SPTAN1: variants seen among roughly 807,000 people sequenced by gnomAD.
SPTAN1 encodes spectrin alpha chain, non-erythrocytic 1.
Under a neutral mutation model 331.3 loss-of-function variants are expected in SPTAN1, and 61 were observed. That is an observed-to-expected ratio of 0.18 (90% CI 0.15 to 0.23). SPTAN1 has a LOEUF of 0.23. Among genes scored for constraint, SPTAN1 ranks in the 10% least tolerant of loss-of-function variants. SPTAN1 has a pLI of 1.00. For synonymous variants in SPTAN1, 1,153 were observed against 1,173.9 expected, an observed-to-expected ratio of 0.98 and a Z score of 0.36; for missense variants, 2,043 against 3,147.9, an observed-to-expected ratio of 0.65 and a Z score of 8.40.
chr9:128,575,422 T>C (rs1369467439), intron 5 of SPTAN1, 77 bp downstream of exon 5: 14 of 1,540,146 alleles, frequency 9.1e-6, no homozygotes, highest in Non-Finnish European at 1.2e-5. Flanking sequence ...AAAATTTTGA[T>C]GATTGGTCCC....
chr9:128,595,689 C>T (rs76935328), intron 24 of SPTAN1, among the ~76,000 whole-genome samples: 6,119 of 152,208 alleles, frequency 0.04, 280 homozygotes, highest in African/African-American at 0.11. Flanking sequence ...ACCACATATC[C>T]GTCAAGCATT....
chr9:128,564,909 C>T (rs575440405), intron 1 of SPTAN1, among the ~76,000 whole-genome samples: 5 of 152,248 alleles, frequency 3.3e-5, no homozygotes, highest in South Asian at 4.1e-4. Context: ...TACTTCTATC[C>T]GCCACAAGGG....
intron 1 of SPTAN1, among the ~76,000 whole-genome samples, chr9:128,557,110 G>A (rs572323435): frequency 1.3e-5 from 2 of 152,296 alleles, no homozygotes; most frequent in South Asian, 4.1e-4. Context: ...TTTGCTTTGG[G>A]TGATGTTTAT....
rs765787174 is a variant in SPTAN1 at position 128,632,346 on chromosome 9, A to G, written c.6959+23A>G. 15 of 1,613,350 alleles carry G rather than the reference A, an allele frequency of 9.3e-6. No homozygotes were observed. The African/African-American group carries it at 1.6e-4, about 17-fold the overall frequency. Reference sequence around the variant, plus strand: ...CAGGTACCCGGGAGGGCTGTGGGCCAGGCTCAGCCCAGAGCAGGGGGAGGA... The same window carrying G: ...CAGGTACCCGGGAGGGCTGTGGGCCGGGCTCAGCCCAGAGCAGGGGGAGGA... On this transcript the variant is annotated intron_variant, in intron 53 of 56. Coordinates refer to ENST00000372739, the MANE Select transcript of SPTAN1 (RefSeq NM_001130438.3).
intron 15 of SPTAN1, among the ~76,000 whole-genome samples, chr9:128,583,490 C>G (rs1407779628): frequency 1.3e-5 from 2 of 152,100 alleles, no homozygotes. Context: ...GTGAGGGAGT[C>G]TGAGTGAGAA....
intron 1 of SPTAN1, among the ~76,000 whole-genome samples, chr9:128,555,899 A>G (rs959294386): frequency 1.3e-5 from 2 of 152,140 alleles, no homozygotes; most frequent in African/African-American, 2.4e-5. Flanking sequence ...CACAATTTCT[A>G]TAATAGAGCT....
Position 128,617,870 on chromosome 9 carries a change from C to T in SPTAN1, c.5478+110C>T, listed in dbSNP as rs3750332. 4 of 1,611,668 alleles carry T rather than the reference C, an allele frequency of 2.5e-6. No individual in the cohort carries two copies. In the East Asian group the frequency reaches 6.7e-5, roughly 27 times the overall value. ...TGAGGTCCCTAAAGTGTTCATGACC[C>T]CTCAGTCCAAACCTGGAGAAGTCCC... On this transcript the variant is annotated intron_variant, in intron 42 of 56. Transcript: ENST00000372739.
intron 27 of SPTAN1, among the ~76,000 whole-genome samples, chr9:128,600,644 C>T (rs956113081): frequency 1.1e-4 from 16 of 152,158 alleles, no homozygotes; most frequent in African/African-American, 3.9e-4. Flanking sequence ...ACCAAGAATA[C>T]AGGGAGAAGG....
Position 128,577,614 on chromosome 9 carries a change from C to T in SPTAN1, c.1085+108C>T, listed in dbSNP as rs1851454168. ...TGTGTTCTGTGAAAGTGTCAGGTAT[C>T]ACCTACAAATGCAAATCACTTCTTA... On this transcript the variant is annotated intron_variant, in intron 8 of 56. Coordinates refer to ENST00000372739, the MANE Select transcript of SPTAN1 (RefSeq NM_001130438.3). The surrounding 1 kb of genome is among the most constrained non-coding windows in gnomAD (Gnocchi z 4.2). 1 of 1,459,136 alleles carries T rather than the reference C, an allele frequency of 6.9e-7. No individual in the cohort carries two copies. The highest frequency in any genetic ancestry group is 9.5e-7 in the Non-Finnish European group (1 of 1,049,368). The allele number at this position is 1,459,136 out of a possible 1,614,324, so 90.4% of individuals were successfully genotyped here.
At position 128,604,331 on chromosome 9, in the gene SPTAN1, G is replaced by A. The variant is rs1484600745; in HGVS notation, c.3633G>A (p.Leu1211=). 1.9e-6 allele frequency: 3 copies of A among 1,613,888 alleles called. No individual in the cohort carries two copies. Among genetic ancestry groups the A allele is most frequent in the Non-Finnish European group, 2.5e-6 (3 of 1,179,948 alleles). The part of the protein sequence containing the change: ...TVATFNSIKE[L]NERWRSLQQL... Reference sequence around the variant, plus strand: ...GATGTTTTGCTGTCCTGCAGGAGCTGAATGAGCGCTGGCGGTCCCTACAGC... The same window carrying A: ...GATGTTTTGCTGTCCTGCAGGAGCTAAATGAGCGCTGGCGGTCCCTACAGC... Residue 1211 remains leucine, a synonymous_variant, in exon 29 of 57, where the codon CTG becomes CTA. Transcript: ENST00000372739.
rs560717208 is a variant in SPTAN1, at chr9:128,614,257, C to T, written c.5148+772C>T. Among the ~76,000 whole-genome samples, 40 of 152,054 alleles carry T rather than the reference C, an allele frequency of 2.6e-4. No homozygotes were observed. In the South Asian group the frequency reaches 8.3e-3, roughly 32 times the overall value. On this transcript the variant is annotated intron_variant, in intron 40 of 56. Coordinates refer to ENST00000372739, the MANE Select transcript of SPTAN1 (RefSeq NM_001130438.3). ...ATCATGTGAGCCCAGGAGTTCAAGACCAGCCTGGGCAACATGATGAGACTC... is the reference window on the plus strand; with the variant it reads ...ATCATGTGAGCCCAGGAGTTCAAGATCAGCCTGGGCAACATGATGAGACTC...
chr9:128,580,313 G>GTA lies in SPTAN1; in HGVS notation c.1323+584_1323+585dup, dbSNP rs375345721. On this transcript the variant is annotated intron_variant, in intron 10 of 56. Coordinates refer to ENST00000372739, the MANE Select transcript of SPTAN1 (RefSeq NM_001130438.3). ...AAATAAATAAATAAAAATAAAATAT[G>GTA]TATATATATACATATTTTATTTTAC... Among the ~76,000 whole-genome samples, 1,101 of 149,518 alleles carry GTA rather than the reference G, an allele frequency of 7.4e-3. 12 individuals are homozygous for GTA. The highest frequency in any genetic ancestry group is 0.025 in the African/African-American group (1,035 of 40,782).
chr9:128,612,347 A>G (rs1856661800), intron 39 of SPTAN1, 101 bp downstream of exon 39: 1 of 1,467,040 alleles, frequency 6.8e-7, no homozygotes, highest in South Asian at 1.1e-5. Flanking sequence ...AGGGCTCACC[A>G]GACACCCCTT....
At chr9:128,599,096 A>G (rs1854706209) in intron 26 of SPTAN1, 110 bp downstream of exon 26, 1 of 1,053,484 alleles carries the variant, frequency 9.5e-7, no homozygotes, top group Non-Finnish European at 1.5e-6. Flanking sequence ...TGAACCTCAG[A>G]TGCCTTTTGT....
chr9:128,613,215 C>T (rs780987125), intron 39 of SPTAN1, among the ~76,000 whole-genome samples, 166 bp from the exon 40 acceptor site: 1 of 152,110 alleles, frequency 6.6e-6, no homozygotes, highest in Non-Finnish European at 1.5e-5. Context: ...TGTCTCAGGC[C>T]GGGCAGGCTG....
chr9:128,556,580 A>T (rs958188394), intron 1 of SPTAN1, among the ~76,000 whole-genome samples: 1 of 152,218 alleles, frequency 6.6e-6, no homozygotes, highest in African/African-American at 2.4e-5. Flanking sequence ...AAGTTTTCTC[A>T]ATATTGCTCT....
chr9:128,555,958 A>G (rs1848589688), intron 1 of SPTAN1, among the ~76,000 whole-genome samples: 1 of 152,146 alleles, frequency 6.6e-6, no homozygotes, highest in Admixed American at 6.5e-5. Flanking sequence ...GCGGTGGCTC[A>G]TGCCTGTAAT....
intron 3 of SPTAN1, among the ~76,000 whole-genome samples, chr9:128,569,529 T>C (rs908811154): frequency 2.0e-5 from 3 of 151,384 alleles, no homozygotes; most frequent in Middle Eastern, 3.4e-3. Flanking sequence ...TATGAAGATA[T>C]TAAGGGAAAA....
intron 21 of SPTAN1, 45 bp from the exon 22 acceptor site, chr9:128,591,432 C>G: frequency 6.2e-7 from 1 of 1,613,386 alleles, no homozygotes; most frequent in Non-Finnish European, 8.5e-7. Flanking sequence ...GATTCTCCCT[C>G]TCAGAGAAGG....
Sources: allele counts gnomAD v4.1 joint callset (sites outside exome capture counted in the v4.1 genomes callset), GRCh38; gene constraint gnomAD v4.1.1; non-coding constraint Gnocchi (gnomAD v3.1); transcripts MANE v1.5; gene names NCBI Gene and HGNC (gene_info 2026-07-23, HGNC 2026-07-21).